The following MYO1H variants were observed in gnomAD, a reference collection of about 807,000 sequenced individuals.
MYO1H encodes the protein unconventional myosin-Ih.
MYO1H carries 118 observed loss-of-function variants against 149.3 expected under a neutral mutation model. The observed-to-expected ratio is 0.79, with a 90% CI of 0.68 to 0.92. MYO1H has a LOEUF of 0.92. Among genes scored for constraint, MYO1H ranks in the 40% least tolerant of loss-of-function variants. MYO1H has a pLI of 0.00. For missense variants in MYO1H, 1,212 were observed against 1,280.7 expected, an observed-to-expected ratio of 0.95 and a Z score of 0.82; for synonymous variants, 447 against 465.2, an observed-to-expected ratio of 0.96 and a Z score of 0.50.
At chr12:109,426,190 T>C (rs1464876432) in intron 18 of MYO1H, 139 bp downstream of exon 18, 3 of 680,324 alleles carry the variant, frequency 4.4e-6, no homozygotes, top group East Asian at 2.7e-5. Flanking sequence ...CCTTTCTAAA[T>C]GATAGAAGTT....
At chr12:109,385,842 C>G (rs1869294593) in intron 1 of MYO1H, among the ~76,000 whole-genome samples, 1 of 152,160 alleles carries the variant, frequency 6.6e-6, no homozygotes, top group Admixed American at 6.5e-5. Flanking sequence ...ATTCATACCT[C>G]CAGCCAATCC....
intron 19 of MYO1H, among the ~76,000 whole-genome samples, chr12:109,429,163 C>G (rs1488268168): frequency 6.6e-6 from 1 of 152,104 alleles, no homozygotes; most frequent in Non-Finnish European, 1.5e-5. Context: ...GCTGAAATCA[C>G]ACCACTGCAC....
Position 109,366,292 on chromosome 12 carries a change from T to C in MYO1H, c.12+18320T>C, listed in dbSNP as rs79048217. 4.4e-3 allele frequency among the ~76,000 whole-genome samples: 674 copies of C among 152,308 alleles called. 4 individuals carry two copies. Among genetic ancestry groups the C allele is most frequent in the African/African-American group, 0.015 (639 of 41,568 alleles). The stretch of plus-strand genomic sequence containing the variant: ...TGTACCAATGTCCCATTAACTTCAA[T>C]CTAAGTCCTGTCAACTTCAGTCTGT... On this transcript the variant is annotated intron_variant, in intron 1 of 31. Transcript: ENST00000310903.
At chr12:109,423,299 C>T (rs1871247147) in intron 16 of MYO1H, among the ~76,000 whole-genome samples, 1 of 152,124 alleles carries the variant, frequency 6.6e-6, no homozygotes, top group South Asian at 2.1e-4. Context: ...GCTGGGATTA[C>T]AGGCATATGC....
the MYO1H span, among the ~76,000 whole-genome samples, chr12:109,313,270 C>T: frequency 6.6e-6 from 1 of 151,994 alleles, no homozygotes; most frequent in Non-Finnish European, 1.5e-5. Context: ...AAAAAAAACC[C>T]CACAAGTTCT....
chr12:109,328,975 T>C, the MYO1H span, among the ~76,000 whole-genome samples: 1 of 152,168 alleles, frequency 6.6e-6, no homozygotes, highest in Non-Finnish European at 1.5e-5. Flanking sequence ...GAGACTTTTG[T>C]TCCTAACAGT....
intron 20 of MYO1H, 142 bp from the exon 21 acceptor site, chr12:109,434,894 CA>C: frequency 1.7e-6 from 1 of 591,238 alleles, no homozygotes; most frequent in Non-Finnish European, 3.0e-6. Context: ...ATCCTTACCT[CA>C]ATCACATCTG....
chr12:109,338,617 A>T, the MYO1H span, among the ~76,000 whole-genome samples: 1 of 151,886 alleles, frequency 6.6e-6, no homozygotes, highest in African/African-American at 2.4e-5. Flanking sequence ...AAAATACAAA[A>T]ATCAGCCAGG....
intron 2 of MYO1H, 66 bp from the exon 3 acceptor site, chr12:109,393,265 A>T (rs746963211): frequency 4.2e-6 from 4 of 941,432 alleles, no homozygotes; most frequent in Non-Finnish European, 5.1e-6. Flanking sequence ...ACACATGGGG[A>T]TCATCATGTG....
intron 1 of MYO1H, among the ~76,000 whole-genome samples, chr12:109,379,656 TAAGAA>T (rs976219850): frequency 5.3e-5 from 8 of 150,284 alleles, no homozygotes; most frequent in East Asian, 2.0e-4. Context: ...AACATTAGCC[TAAGAA>T]AAGAGGAAAA....
chr12:109,335,124 T>C, the MYO1H span, among the ~76,000 whole-genome samples: 1 of 152,196 alleles, frequency 6.6e-6, no homozygotes, highest in African/African-American at 2.4e-5. Flanking sequence ...TAATAGTCTA[T>C]TATAATAATA....
chr12:109,336,055 A>G, the MYO1H span, among the ~76,000 whole-genome samples: 1 of 151,532 alleles, frequency 6.6e-6, no homozygotes, highest in African/African-American at 2.4e-5. Context: ...ATCATGGCTC[A>G]CTGCATCCTC....
chr12:109,446,321 C>G, intron 31 of MYO1H: 1 of 966,542 alleles, frequency 1.0e-6, no homozygotes, highest in Non-Finnish European at 1.2e-6. Context: ...TCCAGTTTTG[C>G]TGAAAACGAC....
At chr12:109,317,483 G>A in the MYO1H span, among the ~76,000 whole-genome samples, 1 of 152,102 alleles carries the variant, frequency 6.6e-6, no homozygotes, top group Non-Finnish European at 1.5e-5. Context: ...TTGCAGTCAG[G>A]AGAATATATT....
At chr12:109,417,414 G>A (rs374613043) in intron 15 of MYO1H, among the ~76,000 whole-genome samples, 2 of 151,976 alleles carry the variant, frequency 1.3e-5, no homozygotes, top group South Asian at 2.1e-4. Flanking sequence ...TGCAAGCTCC[G>A]CCTCCTGGGT....
the MYO1H span, among the ~76,000 whole-genome samples, chr12:109,338,803 CTTTCTGCTTCAT>C: frequency 6.8e-6 from 1 of 148,104 alleles, no homozygotes; most frequent in East Asian, 2.0e-4. Flanking sequence ...ATTTTCCTTG[CTTTCTGCTTCAT>C]TTTCTGCTTC....
chr12:109,410,317 C>G (rs1167305065), intron 12 of MYO1H, among the ~76,000 whole-genome samples: 2 of 151,800 alleles, frequency 1.3e-5, no homozygotes, highest in Non-Finnish European at 2.9e-5. Flanking sequence ...AATTGTTTTA[C>G]TTTTTGTAGA....
chr12:109,350,452 CT>C (rs1475640697), intron 1 of MYO1H, among the ~76,000 whole-genome samples: 5 of 152,278 alleles, frequency 3.3e-5, no homozygotes, highest in Admixed American at 3.3e-4. Context: ...GGGAAACCCC[CT>C]TCGCTTGGCT....
chr12:109,321,376 C>T, the MYO1H span, among the ~76,000 whole-genome samples: 1 of 151,922 alleles, frequency 6.6e-6, no homozygotes, highest in African/African-American at 2.4e-5. Context: ...ATGGTGAAAC[C>T]CCCTTGTCTC....
Sources: gnomAD v4.1 joint callset for allele counts (sites outside exome capture counted in the v4.1 genomes callset) on GRCh38, gnomAD v4.1.1 for gene constraint, MANE v1.5 for transcripts, NCBI Gene and HGNC (gene_info 2026-07-23, HGNC 2026-07-21) for gene names.